SLC13A5: variants seen among roughly 807,000 people sequenced by gnomAD.
The protein encoded by SLC13A5 is Na(+)/citrate cotransporter.
Under a neutral mutation model 56.5 loss-of-function variants are expected in SLC13A5, and 25 were observed. That is an observed-to-expected ratio of 0.44 (90% CI 0.32 to 0.62). SLC13A5 has a LOEUF of 0.62. SLC13A5 is among the 20% of genes least tolerant of loss of function. SLC13A5 has a pLI of 0.04. For synonymous variants in SLC13A5, 307 were observed against 301.5 expected (o/e 1.02, Z -0.19); for missense variants, 649 against 737.8 (o/e 0.88, Z 1.39).
rs980479909 is a variant in SLC13A5, at chr17:6,690,907, T to A, written c.1309A>T (p.Met437Leu). ...GGGGGCACTGCGTGCAAGGGCTCCATCTGCTTCCCCATCCACACGGACAGC... is the reference window on the plus strand; with the variant it reads ...GGGGGCACTGCGTGCAAGGGCTCCAACTGCTTCCCCATCCACACGGACAGC... ...SGLSVWMGKQ[M>L]EPLHAVPPAA... The change falls in exon 10 of 12, where the codon ATG becomes TTG. Residue 437 changes from methionine to leucine, a missense_variant. Transcript: ENST00000433363. 1.2e-6 allele frequency: 2 copies of A among 1,613,294 alleles called. No homozygotes were observed. Among genetic ancestry groups the A allele is most frequent in the African/African-American group, 2.7e-5 (2 of 74,920 alleles).
chr17:6,706,538 G>A, intron 3 of SLC13A5, 104 bp downstream of exon 3: 1 of 1,483,524 alleles, frequency 6.7e-7, no homozygotes, highest in South Asian at 1.3e-5. Flanking sequence ...TAAGCCCATG[G>A]CCAGCCCTCA....
intron 6 of SLC13A5, among the ~76,000 whole-genome samples, chr17:6,697,611 C>T (rs2151488950): frequency 6.6e-6 from 1 of 152,326 alleles, no homozygotes; most frequent in East Asian, 1.9e-4. Context: ...CATGATGCAC[C>T]ATGGTGAACT....
intron 11 of SLC13A5, 171 bp from the exon 12 acceptor site, chr17:6,686,509 C>G: frequency 1.4e-6 from 1 of 731,196 alleles, no homozygotes; most frequent in Non-Finnish European, 2.2e-6. Context: ...CAGGTATCCT[C>G]AGTGCTCAAG....
chr17:6,699,841 G>C (rs1050665038), intron 6 of SLC13A5, among the ~76,000 whole-genome samples: 11 of 152,216 alleles, frequency 7.2e-5, no homozygotes, highest in African/African-American at 2.7e-4. Flanking sequence ...CCTGACCTCA[G>C]GCGATCTGCC....
At position 6,703,244 on chromosome 17, in the gene SLC13A5, G is replaced by A. The variant is rs1241987862; in HGVS notation, c.548-106C>T. On this transcript the variant is annotated intron_variant, in intron 4 of 11. Transcript: ENST00000433363. Reference sequence around the variant, plus strand: ...CTGAGGATTGGGAAATCCCAGCTCTGCTGATTTAGCTGCCCCACTGGGCTC... The same window carrying A: ...CTGAGGATTGGGAAATCCCAGCTCTACTGATTTAGCTGCCCCACTGGGCTC... 7.4e-6 allele frequency: 10 copies of A among 1,357,058 alleles called. No homozygotes were observed. In the African/African-American group the frequency reaches 8.6e-5, roughly 12 times the overall value. 84.1% of individuals were successfully genotyped at this position (1,357,058 alleles called of 1,614,324 possible). A position where few individuals can be genotyped will look rare whatever the true frequency, so the allele number is the denominator to read the frequency against.
At position 6,685,889 on chromosome 17, in the gene SLC13A5, G is replaced by C. The variant is rs920588265; in HGVS notation, c.*318C>G. ...CCCTGTGTGGGGGATGCTTGAGGCA[G>C]AGCGGGTACAGCAGCCTGCATCCTG... On this transcript the variant is annotated 3_prime_UTR_variant, in exon 12 of 12. Transcript: ENST00000433363. The surrounding 1 kb of genome is among the most constrained non-coding windows in gnomAD (Gnocchi z 4.2). 2.9e-6 allele frequency: 1 copy of C among 343,816 alleles called. No homozygotes were observed. The highest frequency in any genetic ancestry group is 5.5e-6 in the Non-Finnish European group (1 of 180,560). The allele number at this position is 343,816 out of a possible 1,614,324, so 21.3% of individuals were successfully genotyped here.
chr17:6,706,751 T>C lies in SLC13A5; in HGVS notation c.259A>G (p.Asn87Asp). ...ATGAGGCCGCCCAGGAACAGCATGT[T>C]GGTGTCCTTCATGTACTGGACACAC... ...QVCVQYMKDT[N>D]MLFLGGLIVA... The change falls in exon 3 of 12, where the codon AAC becomes GAC. Residue 87 changes from asparagine (N) to aspartate (D), a missense_variant. Transcript: ENST00000433363. 2.5e-6 allele frequency: 4 copies of C among 1,614,096 alleles called. No individual in the cohort carries two copies. Among genetic ancestry groups the C allele is most frequent in the Non-Finnish European group, 3.4e-6 (4 of 1,180,006 alleles).
At chr17:6,697,649 A>G (rs989412845) in intron 6 of SLC13A5, among the ~76,000 whole-genome samples, 3 of 152,230 alleles carry the variant, frequency 2.0e-5, no homozygotes, top group Non-Finnish European at 2.9e-5. Context: ...AGAGCCAACA[A>G]GAGGGGAGAG....
chr17:6,710,969 C>T (rs218682), intron 1 of SLC13A5, among the ~76,000 whole-genome samples: 81,686 of 151,572 alleles, frequency 0.54, 23,959 homozygotes, highest in African/African-American at 0.77. Flanking sequence ...AATTTTTTTT[C>T]AATTAAAAAA....
Position 6,686,193 on chromosome 17 carries a change from T to C in SLC13A5, c.*14A>G. On this transcript the variant is annotated 3_prime_UTR_variant, in exon 12 of 12. Coordinates refer to ENST00000433363, the MANE Select transcript of SLC13A5 (RefSeq NM_177550.5). ...AGGAGGGTAAGGGCTGTGTGTGTGG[T>C]CTTGTGGCTCTTCCTAAGTCTCAAT... is the stretch of plus-strand genomic sequence containing the variant. The C allele has an allele frequency of 1.9e-6, 3 of 1,614,066 alleles. No individual in the cohort carries two copies. Among genetic ancestry groups the C allele is most frequent in the Non-Finnish European group, 2.5e-6 (3 of 1,179,960 alleles).
At chr17:6,706,277 C>A (rs41463346) in intron 3 of SLC13A5, among the ~76,000 whole-genome samples, 4,255 of 152,176 alleles carry the variant, frequency 0.028, 246 homozygotes, top group Admixed American at 0.15. Context: ...GGTAGTTGAG[C>A]CACTTCTGGC....
chr17:6,710,194 C>G (rs60141505), intron 1 of SLC13A5, among the ~76,000 whole-genome samples: 28,314 of 152,234 alleles, frequency 0.19, 2,962 homozygotes, highest in East Asian at 0.34. Flanking sequence ...GGCAGGCCAT[C>G]AGAATGATGC....
chr17:6,704,332 A>G, intron 3 of SLC13A5: 1 of 584,600 alleles, frequency 1.7e-6, no homozygotes, highest in South Asian at 1.5e-5. Context: ...GAGGCCTCAG[A>G]TCCAGTCGTG....
Position 6,711,444 on chromosome 17 carries a change from CACACACAT to C in SLC13A5, c.102+1780_102+1787del, listed in dbSNP as rs1349186601. Among the ~76,000 whole-genome samples, 4 of 151,762 alleles carry C rather than the reference CACACACAT, an allele frequency of 2.6e-5. No homozygotes were observed. Among genetic ancestry groups the C allele is most frequent in the Admixed American group, 6.6e-5 (1 of 15,240 alleles). ...TCTCTCTCTTACACACACACACATA[CACACACAT>C]ACACACACACTGAGTTAGGGTTTCC... is the stretch of plus-strand genomic sequence containing the variant. On this transcript the variant is annotated intron_variant, in intron 1 of 11. Transcript: ENST00000433363. This position sits in a 1 kb window ranked among gnomAD's most constrained non-coding sequence, Gnocchi z 4.0.
At chr17:6,697,622 T>G (rs754267957) in intron 6 of SLC13A5, among the ~76,000 whole-genome samples, 1 of 152,158 alleles carries the variant, frequency 6.6e-6, no homozygotes, top group Non-Finnish European at 1.5e-5. Flanking sequence ...ATGGTGAACT[T>G]GGACTGAATA....
intron 6 of SLC13A5, among the ~76,000 whole-genome samples, chr17:6,696,666 AG>A (rs1372882688): frequency 6.6e-6 from 1 of 152,012 alleles, no homozygotes; most frequent in Non-Finnish European, 1.5e-5. Flanking sequence ...TCAGCTGTGG[AG>A]GGGGGATAAC....
intron 5 of SLC13A5, among the ~76,000 whole-genome samples, chr17:6,702,236 A>G (rs1316416521): frequency 6.6e-6 from 1 of 151,884 alleles, no homozygotes; most frequent in African/African-American, 2.4e-5. Flanking sequence ...ATTAGTACAT[A>G]CCTCAATTAG....
chr17:6,710,894 A>C (rs1974003700), intron 1 of SLC13A5, among the ~76,000 whole-genome samples: 3 of 152,182 alleles, frequency 2.0e-5, no homozygotes. Flanking sequence ...ACAGATTTGC[A>C]AAAAAGAAAC....
At position 6,694,803 on chromosome 17, in the gene SLC13A5, G is replaced by A. The variant is rs578045854; in HGVS notation, c.1056-606C>T. On this transcript the variant is annotated intron_variant, in intron 7 of 11. Coordinates refer to ENST00000433363, the MANE Select transcript of SLC13A5 (RefSeq NM_177550.5). ...TAGAATTCTGTCTGGGTTCACCAGG[G>A]TGACCATGAAGACTTTGGTGCTGAC... Among the ~76,000 whole-genome samples the A allele has an allele frequency of 2.6e-5, 4 of 152,286 alleles. No individual in the cohort carries two copies. In the South Asian group the frequency reaches 8.3e-4, roughly 32 times the overall value.
Sources: gnomAD v4.1 joint callset for allele counts (sites outside exome capture counted in the v4.1 genomes callset) on GRCh38, gnomAD v4.1.1 for gene constraint, Gnocchi (gnomAD v3.1) non-coding constraint, MANE v1.5 for transcripts, NCBI Gene and HGNC (gene_info 2026-07-23, HGNC 2026-07-21) for gene names.